The following CCNH variants were observed in gnomAD, a reference collection of about 807,000 sequenced individuals.
The protein encoded by CCNH is cyclin-H.
In CCNH, 31 loss-of-function variants were observed where a neutral mutation model predicts 41.9. The ratio of observed to expected loss-of-function variants is 0.74; its 90% confidence interval spans 0.56 to 1.00. The LOEUF (loss-of-function observed/expected upper bound fraction) is 1.00. Among genes scored for constraint, CCNH ranks in the 50% least tolerant of loss-of-function variants. The probability of loss-of-function intolerance (pLI) is 0.00; values close to 1 mark genes in which losing one functional copy is unlikely to be tolerated. For missense variants in CCNH, 362 were observed against 388.4 expected (o/e 0.93, Z 0.57); for synonymous variants, 138 against 136.1 (o/e 1.01, Z -0.10).
upstream of CCNH, chr5:87,377,191 T>C: frequency 7.1e-6 from 7 of 987,552 alleles, no homozygotes; most frequent in Non-Finnish European, 1.1e-5. Context: ...TGCAGTTGGA[T>C]GTCAGTTCTG....
downstream of CCNH, among the ~76,000 whole-genome samples, chr5:87,317,231 C>T (rs1363532215): frequency 2.0e-5 from 3 of 152,144 alleles, no homozygotes; most frequent in Non-Finnish European, 2.9e-5. Context: ...TTACATGGTG[C>T]TCTTATTGCA....
exon 1 of CCNH, chr5:87,376,298 C>A (rs1038681689): frequency 7.1e-7 from 1 of 1,407,838 alleles, no homozygotes; most frequent in Non-Finnish European, 9.8e-7. Flanking sequence ...AAGCATTTAA[C>A]ACCATAGGGA....
intron 9 of CCNH, among the ~76,000 whole-genome samples, chr5:87,321,643 G>A (rs1398424259): frequency 6.6e-6 from 1 of 152,254 alleles, no homozygotes; most frequent in African/African-American, 2.4e-5. Flanking sequence ...CATAGGGCAA[G>A]GTCTGGAAGG....
rs1561292521 is a variant in CCNH at position 87,338,535 on chromosome 5, A to ATTTT, written c.*91-19639_*91-19638insAAAA. Among the ~76,000 whole-genome samples the ATTTT allele has an allele frequency of 1.0e-3, 98 of 95,886 alleles. 4 individuals carry two copies. The highest frequency in any genetic ancestry group is 7.7e-3 in the East Asian group (18 of 2,348). 62.9% of individuals were successfully genotyped at this position (95,886 alleles called of 152,430 possible). On this transcript the variant is annotated intron_variant and NMD_transcript_variant, in intron 9 of 9. Transcript: ENST00000645953. ...TATATATATATATATATATATATAA[A>ATTTT]ATTTTTTTTTTTTTTAAGTAGAAAT...
At chr5:87,351,673 T>C (rs1359070029) in intron 9 of CCNH, among the ~76,000 whole-genome samples, 1 of 151,778 alleles carries the variant, frequency 6.6e-6, no homozygotes, top group Non-Finnish European at 1.5e-5. Flanking sequence ...AAAATTCTGG[T>C]TTATCTCCCC....
intron 9 of CCNH, among the ~76,000 whole-genome samples, chr5:87,369,536 CTGTT>C (rs1760773781): frequency 6.6e-6 from 1 of 152,042 alleles, no homozygotes; most frequent in African/African-American, 2.4e-5. Flanking sequence ...CAGCTTCAAT[CTGTT>C]TGTAACTTTA....
chr5:87,399,106 A>G (rs559498509), intron 7 of CCNH, among the ~76,000 whole-genome samples: 5 of 152,336 alleles, frequency 3.3e-5, no homozygotes, highest in African/African-American at 1.2e-4. Context: ...AGGAAAAGGT[A>G]AAAGGATTCC....
At chr5:87,401,290 C>CT (rs1460698183) in intron 6 of CCNH, among the ~76,000 whole-genome samples, 3 of 152,210 alleles carry the variant, frequency 2.0e-5, no homozygotes, top group Admixed American at 6.5e-5. Flanking sequence ...AGTGCCTTCT[C>CT]TGAGTGTGTC....
intron 1 of CCNH, among the ~76,000 whole-genome samples, chr5:87,411,845 G>A (rs560854775): frequency 6.6e-6 from 1 of 152,246 alleles, no homozygotes; most frequent in African/African-American, 2.4e-5. Flanking sequence ...TAAAATCAGT[G>A]ATATGAAATA....
At chr5:87,374,151 T>G, downstream of CCNH, 1 of 1,414,152 alleles carries the variant, frequency 7.1e-7, no homozygotes. Context: ...ATATATATTT[T>G]TTTTTTTTTA....
At chr5:87,401,805 AACAT>A in intron 5 of CCNH, 33 bp from the exon 6 acceptor site, 1 of 1,265,026 alleles carries the variant, frequency 7.9e-7, no homozygotes, top group Non-Finnish European at 1.1e-6. Flanking sequence ...ATCTATTGAA[AACAT>A]ACAGCACATT....
chr5:87,340,015 T>TAC (rs1301913571), intron 9 of CCNH, among the ~76,000 whole-genome samples: 1 of 152,168 alleles, frequency 6.6e-6, no homozygotes, highest in Non-Finnish European at 1.5e-5. Flanking sequence ...CTCTAGAATG[T>TAC]ATGCTCTCTG....
At chr5:87,360,936 AT>A (rs1760041348) in intron 9 of CCNH, among the ~76,000 whole-genome samples, 1 of 152,190 alleles carries the variant, frequency 6.6e-6, no homozygotes, top group South Asian at 2.1e-4. Context: ...TATTTTAAGT[AT>A]GTTCAATCAA....
chr5:87,394,102 C>T (rs1163244624), downstream of CCNH: 1 of 270,568 alleles, frequency 3.7e-6, no homozygotes, highest in Non-Finnish European at 6.0e-6. Context: ...AAACACATTC[C>T]TTAACACTTT....
intron 5 of CCNH, among the ~76,000 whole-genome samples, chr5:87,403,275 G>A (rs548967821): frequency 6.7e-5 from 10 of 148,872 alleles, no homozygotes; most frequent in African/African-American, 2.5e-4. Context: ...GGAATGTTAC[G>A]AAAGCCTATT....
At chr5:87,353,113 A>G in intron 9 of CCNH, 1 of 1,461,884 alleles carries the variant, frequency 6.8e-7, no homozygotes, top group Non-Finnish European at 9.6e-7. Context: ...AAGATTTTGC[A>G]GTTTTATGAG....
At chr5:87,397,210 T>G (rs1294673002) in intron 7 of CCNH, among the ~76,000 whole-genome samples, 1 of 151,990 alleles carries the variant, frequency 6.6e-6, no homozygotes, top group Non-Finnish European at 1.5e-5. Context: ...TTGCCCAGGC[T>G]GGAGTGCAAT....
intron 9 of CCNH, among the ~76,000 whole-genome samples, chr5:87,319,598 T>C (rs373176893): frequency 1.1e-4 from 16 of 152,202 alleles, no homozygotes; most frequent in African/African-American, 3.6e-4. Context: ...CTGGAGTGGC[T>C]GGGATGCGGG....
At chr5:87,391,648 A>AC, downstream of CCNH, 1 of 233,344 alleles carries the variant, frequency 4.3e-6, no homozygotes, top group Non-Finnish European at 8.5e-6. Context: ...AATGCATGTT[A>AC]CCCATTCAAC....
Sources: allele counts gnomAD v4.1 joint callset (sites outside exome capture counted in the v4.1 genomes callset), GRCh38; gene constraint gnomAD v4.1.1; transcripts MANE v1.5; gene names NCBI Gene and HGNC (gene_info 2026-07-23, HGNC 2026-07-21).